Variants in WWOX observed in about 807,000 individuals in gnomAD.
WWOX encodes the protein WW domain containing oxidoreductase.
Under a neutral mutation model 46.2 loss-of-function variants are expected in WWOX, and 69 were observed. That is an observed-to-expected ratio of 1.49 (90% CI 1.23 to 1.82). WWOX has a LOEUF of 1.82. WWOX is among the 40% of genes most tolerant of loss of function. The pLI is 0.00. For missense variants in WWOX, 919 were observed against 542.6 expected (o/e 1.69, Z -6.89); for synonymous variants, 359 against 202.6 (o/e 1.77, Z -6.56).
At chr16:78,486,232 C>G (rs1049275331) in intron 8 of WWOX, among the ~76,000 whole-genome samples, 8 of 152,102 alleles carry the variant, frequency 5.3e-5, no homozygotes, top group African/African-American at 1.9e-4. Context: ...CAAGTTGCAG[C>G]TTGGAACTTG....
chr16:79,186,276 G>C (rs1362645434), intron 8 of WWOX, among the ~76,000 whole-genome samples: 1 of 152,174 alleles, frequency 6.6e-6, no homozygotes, highest in East Asian at 1.9e-4. Flanking sequence ...CAAACAACAG[G>C]AATATTATCT....
At chr16:78,419,633 A>AGC (rs1567561329) in intron 6 of WWOX, among the ~76,000 whole-genome samples, 9 of 145,854 alleles carry the variant, frequency 6.2e-5, no homozygotes, top group Non-Finnish European at 1.3e-4. Context: ...AGCAAAAAAA[A>AGC]AAAAAAAAAA....
chr16:78,988,286 G>T (rs750431173), intron 8 of WWOX, among the ~76,000 whole-genome samples: 1 of 151,030 alleles, frequency 6.6e-6, no homozygotes, highest in Non-Finnish European at 1.5e-5. Context: ...AGAGGTTGCA[G>T]TGAGCCAAGA....
intron 5 of WWOX, among the ~76,000 whole-genome samples, chr16:78,302,478 C>T (rs74391074): frequency 0.099 from 15,017 of 152,214 alleles, 1,009 homozygotes; most frequent in East Asian, 0.25. Flanking sequence ...ATTCCACTGC[C>T]TCAGGAGATA....
chr16:78,537,754 G>C (rs181124147), intron 8 of WWOX, among the ~76,000 whole-genome samples: 30 of 152,230 alleles, frequency 2.0e-4, no homozygotes, highest in Admixed American at 7.8e-4. Flanking sequence ...TGAGGAAGCT[G>C]GATTTGGCAG....
At chr16:78,766,467 A>G (rs1261010248) in intron 8 of WWOX, among the ~76,000 whole-genome samples, 1 of 152,140 alleles carries the variant, frequency 6.6e-6, no homozygotes. Flanking sequence ...TCCTCCGTGT[A>G]GTCCCAGCTA....
intron 1 of WWOX, 31 bp downstream of exon 1, chr16:78,099,916 A>C (rs1375407193): frequency 1.9e-6 from 3 of 1,549,486 alleles, no homozygotes; most frequent in Non-Finnish European, 2.6e-6. Flanking sequence ...CCGCGGACGC[A>C]CCTGGGACCC....
At chr16:78,874,653 T>G (rs1334835076) in intron 8 of WWOX, among the ~76,000 whole-genome samples, 2 of 150,086 alleles carry the variant, frequency 1.3e-5, no homozygotes, top group East Asian at 4.0e-4. Flanking sequence ...TGAAACACCT[T>G]CAACTGTGTC....
At chr16:78,506,492 A>G (rs745575306) in intron 8 of WWOX, 3 of 152,062 alleles carry the variant, frequency 2.0e-5, no homozygotes, top group African/African-American at 7.2e-5. Flanking sequence ...GCCCACTCAC[A>G]TGTTTATGGC....
chr16:78,373,670 T>C (rs13338044), intron 5 of WWOX, among the ~76,000 whole-genome samples: 77,733 of 151,982 alleles, frequency 0.51, 21,555 homozygotes, highest in Non-Finnish European at 0.63. Context: ...GTTTCTGCCT[T>C]TCAATGTGTG....
chr16:78,423,029 G>A (rs2082989304), intron 6 of WWOX, among the ~76,000 whole-genome samples: 1 of 151,808 alleles, frequency 6.6e-6, no homozygotes, highest in African/African-American at 2.4e-5. Context: ...GGGATTACAG[G>A]CGTGTGCCAC....
chr16:78,363,328 C>A (rs2081453759), intron 5 of WWOX, among the ~76,000 whole-genome samples: 1 of 151,408 alleles, frequency 6.6e-6, no homozygotes, highest in African/African-American at 2.4e-5. Flanking sequence ...GGCTGCAGTG[C>A]AGTGGCGCGA....
Position 78,164,271 on chromosome 16 carries a change from A to G in WWOX, c.498A>G (p.Ser166=). ...RNMARASEAV[S]RILEEWHKAK... ...TGGCAAGGGCGAGTGAAGCAGTGTC[A>G]CGCATTTTAGAAGAATGGGTAAGTG... The change falls in exon 5 of 9, where the codon TCA becomes TCG. Residue 166 remains serine (S), a synonymous_variant. Transcript: ENST00000566780. The G allele has an allele frequency of 6.2e-7, 1 of 1,614,034 alleles. No homozygotes were observed. Among genetic ancestry groups the G allele is most frequent in the Non-Finnish European group, 8.5e-7 (1 of 1,179,980 alleles).
chr16:78,548,418 C>G (rs948837401), intron 8 of WWOX, among the ~76,000 whole-genome samples: 2 of 152,004 alleles, frequency 1.3e-5, no homozygotes, highest in African/African-American at 4.8e-5. Context: ...AAGTGATGAA[C>G]ATGTTAACAT....
intron 8 of WWOX, among the ~76,000 whole-genome samples, chr16:78,920,829 G>C (rs986952835): frequency 6.6e-6 from 1 of 152,220 alleles, no homozygotes; most frequent in African/African-American, 2.4e-5. Context: ...GGCTTTGGCT[G>C]TTGTGAGGAA....
intron 8 of WWOX, among the ~76,000 whole-genome samples, chr16:78,813,933 A>C (rs1027523972): frequency 6.6e-6 from 1 of 152,160 alleles, no homozygotes; most frequent in Non-Finnish European, 1.5e-5. Context: ...CCCCAGTGTT[A>C]ACCTTCCTGA....
In WWOX at chr16:78,442,079, G is replaced by C. The variant is rs1172372765; in HGVS notation, c.1056+9327G>C. ...TTGAGCCTGGGAGTTGGAGGCTGCA[G>C]TGAGCTATGATGGTGCCCCTGCACT... On this transcript the variant is annotated intron_variant, in intron 8 of 8. Transcript: ENST00000566780. Among the ~76,000 whole-genome samples the C allele has an allele frequency of 2.0e-5, 3 of 151,748 alleles. No individual in the cohort carries two copies. In the East Asian group the frequency reaches 5.8e-4, roughly 30 times the overall value.
chr16:79,029,981 T>G (rs997491220), intron 8 of WWOX, among the ~76,000 whole-genome samples: 4 of 152,186 alleles, frequency 2.6e-5, no homozygotes, highest in African/African-American at 7.2e-5. Flanking sequence ...TGGTGGTAGG[T>G]AAGCCAACCG....
At chr16:78,896,278 TC>T (rs769602609) in intron 8 of WWOX, 2 of 151,766 alleles carry the variant, frequency 1.3e-5, no homozygotes, top group Non-Finnish European at 2.9e-5. Context: ...ATTTGCTTAG[TC>T]ATTTTCAGAG....
Sources: allele counts gnomAD v4.1 joint callset (sites outside exome capture counted in the v4.1 genomes callset), GRCh38; gene constraint gnomAD v4.1.1; transcripts MANE v1.5; gene names NCBI Gene and HGNC (gene_info 2026-07-23, HGNC 2026-07-21).